Variants in FH observed in about 807,000 individuals in gnomAD.
FH encodes the protein fumarate hydratase.
FH carries 22 observed loss-of-function variants against 49.4 expected under a neutral mutation model. That is an observed-to-expected ratio of 0.45 (90% CI 0.32 to 0.64). FH has a LOEUF of 0.64. FH is among the 30% of genes least tolerant of loss of function. The pLI, the probability that FH is intolerant of heterozygous loss-of-function variation, is 0.05. For synonymous variants in FH, 208 were observed against 223.0 expected, an observed-to-expected ratio of 0.93 and a Z score of 0.60; for missense variants, 526 against 641.5, an observed-to-expected ratio of 0.82 and a Z score of 1.95.
intron 2 of FH, among the ~76,000 whole-genome samples, chr1:241,516,229 A>C: frequency 6.6e-6 from 1 of 152,206 alleles, no homozygotes; most frequent in Non-Finnish European, 1.5e-5. Flanking sequence ...ATCCAAAATA[A>C]CTATTCACAA....
chr1:241,517,279 A>G lies in FH; in HGVS notation c.170T>C (p.Phe57Ser), dbSNP rs759884607. The G allele has an allele frequency of 1.2e-6, 2 of 1,614,184 alleles. No individual in the cohort carries two copies. The stretch of plus-strand genomic sequence containing the variant: ...ATCATTTGGCACCTTTAGTTCACCA[A>G]AGGTATCATATTCTATCCGGAAGGA... ...QNSFRIEYDT[F>S]GELKVPNDKY... is the part of the protein sequence containing the mutation. Residue 57 changes from phenylalanine to serine, a missense_variant, in exon 2 of 10, where the codon TTT becomes TCT. Coordinates refer to ENST00000366560, the MANE Select transcript of FH (RefSeq NM_000143.4).
intron 2 of FH, 140 bp downstream of exon 2, chr1:241,517,042 G>A (rs935421149): frequency 8.3e-6 from 8 of 965,004 alleles, no homozygotes; most frequent in Non-Finnish European, 1.3e-5. Flanking sequence ...TTTAGTGAAA[G>A]AGAACCTCTT....
chr1:241,497,883 G>A lies in FH; in HGVS notation c.1478C>T (p.Thr493Ile). The A allele has an allele frequency of 6.2e-7, 1 of 1,613,272 alleles. No individual in the cohort carries two copies. The highest frequency in any genetic ancestry group is 8.5e-7 in the Non-Finnish European group (1 of 1,179,892). ...TACCCATTCGTCAAACTGCTCTGCT[G>A]TGAGATAGCCAAGTTCGATAGCAGT... ...KETAIELGYLTAEQFDEWVKP... is the reference protein window; with the variant it reads ...KETAIELGYLIAEQFDEWVKP... The change falls in exon 10 of 10, where the codon ACA becomes ATA. Residue 493 changes from threonine (T) to isoleucine (I), a missense_variant. Coordinates refer to ENST00000366560, the MANE Select transcript of FH (RefSeq NM_000143.4).
chr1:241,519,425 C>T (rs2147926638), intron 1 of FH, 166 bp downstream of exon 1: 2 of 808,492 alleles, frequency 2.5e-6, no homozygotes, highest in Admixed American at 3.7e-5. Flanking sequence ...GAAGAGGCGT[C>T]CCGAGGCCGG....
At chr1:241,507,040 T>C (rs1245804837) in intron 5 of FH, among the ~76,000 whole-genome samples, 1 of 152,184 alleles carries the variant, frequency 6.6e-6, no homozygotes, top group Non-Finnish European at 1.5e-5. Flanking sequence ...TCATTATAGG[T>C]AGACCTGATG....
rs182531846 is a variant in FH at position 241,504,266 on chromosome 1, C to T, written c.905-21G>A. On this transcript the variant is annotated intron_variant, in intron 6 of 9. Coordinates refer to ENST00000366560, the MANE Select transcript of FH (RefSeq NM_000143.4). Reference sequence around the variant, plus strand: ...CAAGCCTAAAGAAAAGAAAAATATCCTAGATGGGTGAACAAGTTAAACTAA... The same window carrying T: ...CAAGCCTAAAGAAAAGAAAAATATCTTAGATGGGTGAACAAGTTAAACTAA... 1.3e-4 allele frequency: 204 copies of T among 1,602,660 alleles called. No homozygotes were observed. The African/African-American group carries it at 2.4e-3, about 18-fold the overall frequency.
rs376502356 is a variant in FH, at chr1:241,500,480, C to G, written c.1347G>C (p.Met449Ile). The G allele has an allele frequency of 2.5e-6, 4 of 1,613,898 alleles. No homozygotes were observed. In the African/African-American group the frequency reaches 4.0e-5, roughly 16 times the overall value. The change falls in exon 9 of 10, where the codon ATG becomes ATC. Residue 449 changes from methionine to isoleucine, a missense_variant. By Grantham distance (10) the Met-to-Ile change is conservative. Transcript: ENST00000366560. The part of the protein sequence containing the change: ...QANTERINKL[M>I]NESLMLVTAL... ...CTGTCACCAACATTAGAGACTCATTCATCAGCTTGTTGATCCTTTCTGTAT... is the reference window on the plus strand; with the variant it reads ...CTGTCACCAACATTAGAGACTCATTGATCAGCTTGTTGATCCTTTCTGTAT...
intron 4 of FH, among the ~76,000 whole-genome samples, chr1:241,509,338 A>G (rs1386712504): frequency 6.6e-6 from 1 of 152,154 alleles, no homozygotes; most frequent in African/African-American, 2.4e-5. Context: ...TGTGAGGTAG[A>G]TTACCACTTT....
rs1275720242 is a variant in FH, at chr1:241,519,744, G to A, written c.-22C>T. 6.6e-7 allele frequency: 1 copy of A among 1,520,502 alleles called. No homozygotes were observed. Among genetic ancestry groups the A allele is most frequent in the Non-Finnish European group, 8.9e-7 (1 of 1,128,958 alleles). The allele number at this position is 1,520,502 out of a possible 1,614,324, so 94.2% of individuals were successfully genotyped here. A position where few individuals can be genotyped will look rare whatever the true frequency, so the allele number is the denominator to read the frequency against. On this transcript the variant is annotated 5_prime_UTR_variant, in exon 1 of 10. Coordinates refer to ENST00000366560, the MANE Select transcript of FH (RefSeq NM_000143.4). ...ACATGGTGCTGAGGGAGCTTGGGTA[G>A]AATTTCTGGGCGGCTGTGGCCACGC...
chr1:241,511,350 T>C (rs894202047), intron 4 of FH, among the ~76,000 whole-genome samples: 5 of 152,224 alleles, frequency 3.3e-5, no homozygotes, highest in African/African-American at 9.6e-5. Context: ...CTGTGACAAA[T>C]TAACTTCTTC....
chr1:241,501,315 CTAATGACCTTGTAA>C (rs1433004819), intron 8 of FH, among the ~76,000 whole-genome samples: 2 of 152,132 alleles, frequency 1.3e-5, no homozygotes, highest in Non-Finnish European at 2.9e-5. Context: ...TAATTTGCTA[CTAATGACCTTGTAA>C]TAAGGCAAAT....
At position 241,512,143 on chromosome 1, in the gene FH, C is replaced by A. The variant is rs878853693; in HGVS notation, c.379G>T (p.Val127Leu). 5.6e-6 allele frequency: 9 copies of A among 1,612,864 alleles called. No homozygotes were observed. Among genetic ancestry groups the A allele is most frequent in the Non-Finnish European group, 6.8e-6 (8 of 1,179,138 alleles). ...ANAIMKAADE[V>L]AEGKLNDHFP... ...TGATCATTTAATTTACCTTCAGCTA[C>A]CTGCAGAAAAAATGTTAAAAATGTA... is the stretch of plus-strand genomic sequence containing the variant. The change falls in exon 4 of 10, where the codon GTA (valine) becomes TTA (leucine). Residue 127 changes from valine to leucine, a missense_variant and splice_region_variant. Physicochemically the swap from Val to Leu is conservative, Grantham distance 32 (BLOSUM62 1). Around this residue, in one of 2 missense-constraint regions of FH, gnomAD observed 383 missense variants for 514.0 expected, o/e 0.75. Coordinates refer to ENST00000366560, the MANE Select transcript of FH (RefSeq NM_000143.4).
intron 2 of FH, 104 bp from the exon 3 acceptor site, chr1:241,513,817 A>T (rs1315128470): frequency 1.2e-6 from 1 of 832,460 alleles, no homozygotes; most frequent in Non-Finnish European, 2.0e-6. Flanking sequence ...ATAACAATAA[A>T]ACAGTAACAC....
At chr1:241,503,083 C>T (rs1268079791) in intron 7 of FH, among the ~76,000 whole-genome samples, 1 of 152,196 alleles carries the variant, frequency 6.6e-6, no homozygotes, top group Non-Finnish European at 1.5e-5. Context: ...CCTGCTCACA[C>T]TCCTTGGACA....
At position 241,506,096 on chromosome 1, in the gene FH, C is replaced by T; in HGVS notation, c.811G>A (p.Glu271Lys). The change falls in exon 6 of 10, where the codon GAG becomes AAG. Residue 271 changes from glutamate to lysine, a missense_variant. Transcript: ENST00000366560. Reference protein sequence around the residue: ...RIKAAMPRIYELAAGGTAVGT... With the variant: ...RIKAAMPRIYKLAAGGTAVGT... Reference sequence around the variant, plus strand: ...ACAGCAGTGCCTCCAGCTGCGAGCTCATAGATTCTTGGCATGGCAGCTTTT... The same window carrying T: ...ACAGCAGTGCCTCCAGCTGCGAGCTTATAGATTCTTGGCATGGCAGCTTTT... 1 of 1,614,032 alleles carries T rather than the reference C, an allele frequency of 6.2e-7. No homozygotes were observed. Among genetic ancestry groups the T allele is most frequent in the Non-Finnish European group, 8.5e-7 (1 of 1,179,940 alleles).
chr1:241,511,556 T>G (rs1660084261), intron 4 of FH, among the ~76,000 whole-genome samples: 1 of 148,588 alleles, frequency 6.7e-6, no homozygotes, highest in African/African-American at 2.5e-5. Flanking sequence ...CAGTTTTTTG[T>G]TTTTTTTTTA....
intron 2 of FH, 150 bp downstream of exon 2, chr1:241,517,032 T>G: frequency 2.2e-6 from 2 of 897,136 alleles, no homozygotes; most frequent in Admixed American, 4.6e-5. Context: ...TCTTTAACAT[T>G]TTAGTGAAAG....
At chr1:241,498,694 CATATATATATATATATATAT>C (rs56361117) in intron 9 of FH, among the ~76,000 whole-genome samples, 1,910 of 53,208 alleles carry the variant, frequency 0.036, 165 homozygotes, top group Middle Eastern at 0.12. Flanking sequence ...GCTGTCTTAA[CATATATATATATATATATAT>C]ATATATATAT....
intron 7 of FH, 21 bp downstream of exon 7, chr1:241,504,021 A>G: frequency 1.2e-6 from 2 of 1,608,672 alleles, no homozygotes; most frequent in Non-Finnish European, 1.7e-6. Context: ...TAGCTCCAAC[A>G]TTTACTAGCT....
Sources: allele counts gnomAD v4.1 joint callset (sites outside exome capture counted in the v4.1 genomes callset), GRCh38; gene constraint gnomAD v4.1.1; regional missense constraint gnomAD v4.1.1; transcripts MANE v1.5; gene names NCBI Gene and HGNC (gene_info 2026-07-23, HGNC 2026-07-21).